RSPO3: variants seen among roughly 807,000 people sequenced by gnomAD.
The protein encoded by RSPO3 is R-spondin-3.
Under a neutral mutation model 36.5 loss-of-function variants are expected in RSPO3, and 17 were observed. The ratio of observed to expected loss-of-function variants is 0.47; its 90% CI spans 0.32 to 0.70. The LOEUF (loss-of-function observed/expected upper bound fraction) is 0.70. Among genes scored for constraint, RSPO3 ranks in the 30% least tolerant of loss-of-function variants. The pLI is 0.04. For missense variants in RSPO3, 294 were observed against 322.5 expected (o/e 0.91, Z 0.68); for synonymous variants, 108 against 107.0 (o/e 1.01, Z -0.06).
At chr6:127,120,146 G>C (rs1247602199) in intron 1 of RSPO3, among the ~76,000 whole-genome samples, 4 of 152,228 alleles carry the variant, frequency 2.6e-5, no homozygotes, top group Admixed American at 2.0e-4. Flanking sequence ...TTCTTAAGAC[G>C]GTGTCCTAGC....
intron 1 of RSPO3, among the ~76,000 whole-genome samples, chr6:127,139,539 AT>A (rs200335153): frequency 0.062 from 7,984 of 128,956 alleles, 395 homozygotes; most frequent in African/African-American, 0.16. Flanking sequence ...CTTAAAAAAA[AT>A]ATATCTTTTT....
chr6:127,168,978 A>G lies in RSPO3; in HGVS notation c.634+13540A>G, dbSNP rs1159727527. Among the ~76,000 whole-genome samples the G allele has an allele frequency of 5.9e-5, 9 of 151,948 alleles. No homozygotes were observed. In the South Asian group the frequency reaches 1.9e-3, roughly 31 times the overall value. ...TCTATATCTCTGTTTTGGTACGAGG[A>G]CCATGCTGTTTTGGTTACTGTAGCC... On this transcript the variant is annotated intron_variant, in intron 4 of 4. Coordinates refer to ENST00000356698, the MANE Select transcript of RSPO3 (RefSeq NM_032784.5).
intron 4 of RSPO3, among the ~76,000 whole-genome samples, chr6:127,193,615 C>G (rs913876743): frequency 6.6e-6 from 1 of 152,168 alleles, no homozygotes; most frequent in Non-Finnish European, 1.5e-5. Context: ...TTGCAGCCAT[C>G]TCCTTGTGAA....
At chr6:127,146,910 C>CTTTTTGTAA (rs1774395672) in intron 1 of RSPO3, among the ~76,000 whole-genome samples, 1 of 152,118 alleles carries the variant, frequency 6.6e-6, no homozygotes, top group African/African-American at 2.4e-5. Context: ...AATATGTACA[C>CTTTTTGTAA]GTTTTCTGTA....
intron 4 of RSPO3, among the ~76,000 whole-genome samples, chr6:127,156,375 C>A (rs971658078): frequency 2.0e-5 from 3 of 151,972 alleles, no homozygotes; most frequent in Non-Finnish European, 4.4e-5. Context: ...GCCAGAAGAC[C>A]CTCAGTTGCC....
At chr6:127,179,332 G>T (rs964138184) in intron 4 of RSPO3, among the ~76,000 whole-genome samples, 21 of 151,794 alleles carry the variant, frequency 1.4e-4, no homozygotes, top group African/African-American at 4.4e-4. Flanking sequence ...TCTTTCTGAT[G>T]CTCCGCTTCC....
At chr6:127,157,330 G>A (rs1322436304) in intron 4 of RSPO3, among the ~76,000 whole-genome samples, 4 of 152,010 alleles carry the variant, frequency 2.6e-5, no homozygotes, top group South Asian at 2.1e-4. Context: ...AAATATAAAT[G>A]AAGAAAAGTT....
intron 4 of RSPO3, among the ~76,000 whole-genome samples, chr6:127,181,220 G>T (rs1215183960): frequency 1.3e-5 from 2 of 151,874 alleles, no homozygotes; most frequent in African/African-American, 2.4e-5. Context: ...GATCAGGGAA[G>T]AATTAATAGA....
intron 1 of RSPO3, among the ~76,000 whole-genome samples, chr6:127,139,631 T>C (rs1774230037): frequency 6.6e-6 from 1 of 152,088 alleles, no homozygotes; most frequent in Non-Finnish European, 1.5e-5. Context: ...ATGGAATGCT[T>C]CTCTCAGCCA....
rs751980446 is a variant in RSPO3, at chr6:127,155,489, C to T, written c.634+51C>T. 1.6e-5 allele frequency: 24 copies of T among 1,503,430 alleles called. No individual in the cohort carries two copies. The South Asian group carries it at 2.1e-4, about 13-fold the overall frequency. The allele number at this position is 1,503,430 out of a possible 1,614,324, so 93.1% of individuals were successfully genotyped here. ...TTGTTTGAATCCTCATAATCTGTTGCATTTTTCATTTTATTTCTTATGAAA... is the reference window on the plus strand; with the variant it reads ...TTGTTTGAATCCTCATAATCTGTTGTATTTTTCATTTTATTTCTTATGAAA... On this transcript the variant is annotated intron_variant, in intron 4 of 4. Coordinates refer to ENST00000356698, the MANE Select transcript of RSPO3 (RefSeq NM_032784.5).
At chr6:127,129,736 A>T (rs1415364901) in intron 1 of RSPO3, among the ~76,000 whole-genome samples, 2 of 152,052 alleles carry the variant, frequency 1.3e-5, no homozygotes, top group Admixed American at 1.3e-4. Flanking sequence ...TATCCTCATA[A>T]ACCACCTTGT....
Position 127,164,861 on chromosome 6 carries a change from T to G in RSPO3, c.634+9423T>G, listed in dbSNP as rs148089604. Among the ~76,000 whole-genome samples the G allele has an allele frequency of 4.2e-3, 644 of 152,216 alleles. 20 individuals are homozygous for G. Among genetic ancestry groups the G allele is most frequent in the Admixed American group, 0.038 (575 of 15,258 alleles). On this transcript the variant is annotated intron_variant, in intron 4 of 4. Coordinates refer to ENST00000356698, the MANE Select transcript of RSPO3 (RefSeq NM_032784.5). ...TTGAGAAATATGCCTTGCAAATGGT[T>G]GTTTTGTTTACTTGTTTTTTCTGCT...
At chr6:127,170,745 A>G (rs1774919663) in intron 4 of RSPO3, among the ~76,000 whole-genome samples, 1 of 151,786 alleles carries the variant, frequency 6.6e-6, no homozygotes. Flanking sequence ...GATAAACCTT[A>G]AAGACTTTAT....
At chr6:127,195,604 A>G (rs1004839462) in intron 4 of RSPO3, among the ~76,000 whole-genome samples, 2 of 152,234 alleles carry the variant, frequency 1.3e-5, no homozygotes, top group African/African-American at 4.8e-5. Flanking sequence ...TCAAACAGTC[A>G]TATGTTAGTT....
chr6:127,197,727 T>G lies in RSPO3; in HGVS notation c.*1720T>G. On this transcript the variant is annotated 3_prime_UTR_variant, in exon 5 of 5. Transcript: ENST00000356698. Reference sequence around the variant, plus strand: ...CTTGGCTTAATTGATTTTCCACTTCTCTCTTCCTCTTCTAAGATATAAACA... The same window carrying G: ...CTTGGCTTAATTGATTTTCCACTTCGCTCTTCCTCTTCTAAGATATAAACA... 1.9e-6 allele frequency: 1 copy of G among 517,858 alleles called. No individual in the cohort carries two copies. The highest frequency in any genetic ancestry group is 3.1e-5 in the East Asian group (1 of 32,306). The allele number at this position is 517,858 out of a possible 1,614,324, so 32.1% of individuals were successfully genotyped here.
chr6:127,188,031 T>C (rs1775331393), intron 4 of RSPO3, among the ~76,000 whole-genome samples: 1 of 152,146 alleles, frequency 6.6e-6, no homozygotes, highest in African/African-American at 2.4e-5. Flanking sequence ...ATAGTTTCTT[T>C]TGGACTCCAG....
At chr6:127,152,081 A>C (rs1774501639) in intron 3 of RSPO3, among the ~76,000 whole-genome samples, 1 of 152,144 alleles carries the variant, frequency 6.6e-6, no homozygotes. Flanking sequence ...TCTGTCAGGG[A>C]GATCATTTCA....
chr6:127,138,825 T>G (rs1774211526), intron 1 of RSPO3, among the ~76,000 whole-genome samples: 1 of 152,190 alleles, frequency 6.6e-6, no homozygotes, highest in Non-Finnish European at 1.5e-5. Flanking sequence ...ATAATTTAAT[T>G]TTTTAAATGA....
At position 127,119,014 on chromosome 6, in the gene RSPO3, C is replaced by A; in HGVS notation, c.-179C>A. The A allele has an allele frequency of 2.0e-6, 1 of 498,236 alleles. No individual in the cohort carries two copies. Among genetic ancestry groups the A allele is most frequent in the Non-Finnish European group, 3.5e-6 (1 of 283,270 alleles). The allele number at this position is 498,236 out of a possible 1,614,324, so 30.9% of individuals were successfully genotyped here. ...TTTGAAAGTACAATAGTTGGTTTCC[C>A]TGTCCACCCGCCCCACTTCGCTTGC... On this transcript the variant is annotated 5_prime_UTR_variant, in exon 1 of 5. The change creates a new upstream start codon in the 5' untranslated region. Transcript: ENST00000356698.
Sources: allele counts gnomAD v4.1 joint callset (sites outside exome capture counted in the v4.1 genomes callset), GRCh38; gene constraint gnomAD v4.1.1; transcripts MANE v1.5; gene names NCBI Gene and HGNC (gene_info 2026-07-23, HGNC 2026-07-21).